MGAT4C: variants seen among roughly 807,000 people sequenced by gnomAD.
MGAT4C encodes the protein MGAT4 family member C.
Under a neutral mutation model 40.1 loss-of-function variants are expected in MGAT4C, and 19 were observed. The observed-to-expected ratio is 0.47, with a 90% CI of 0.33 to 0.70. The LOEUF (loss-of-function observed/expected upper bound fraction) is 0.70. Ranked by LOEUF, MGAT4C falls within the 30% of genes least tolerant of loss-of-function variation. The probability of loss-of-function intolerance (pLI) is 0.02; values close to 1 mark genes in which losing one functional copy is unlikely to be tolerated. For synonymous variants in MGAT4C, 181 were observed against 187.1 expected (o/e 0.97, Z 0.27); for missense variants, 491 against 563.2 (o/e 0.87, Z 1.30).
chr12:86,522,401 A>C (rs1403354599), intron 2 of MGAT4C, among the ~76,000 whole-genome samples: 2 of 152,176 alleles, frequency 1.3e-5, no homozygotes, highest in East Asian at 3.9e-4. Flanking sequence ...AATGAATCAC[A>C]TTTATTGATT....
chr12:86,814,056 G>T (rs1036429029), intron 1 of MGAT4C, among the ~76,000 whole-genome samples: 1 of 151,740 alleles, frequency 6.6e-6, no homozygotes. Context: ...GACTACAGGT[G>T]CACACTGCCA....
chr12:86,263,824 C>A (rs1952719172), intron 4 of MGAT4C, among the ~76,000 whole-genome samples: 1 of 152,114 alleles, frequency 6.6e-6, no homozygotes, highest in Admixed American at 6.5e-5. Context: ...TCTCTAAATT[C>A]TCACTAAAAT....
chr12:86,517,083 G>GC (rs1354897765), intron 2 of MGAT4C, among the ~76,000 whole-genome samples: 1 of 152,108 alleles, frequency 6.6e-6, no homozygotes, highest in Admixed American at 6.5e-5. Flanking sequence ...CTCATACATT[G>GC]CAAGCAGGAG....
chr12:86,454,761 T>C (rs1957484384), intron 2 of MGAT4C, among the ~76,000 whole-genome samples: 1 of 152,094 alleles, frequency 6.6e-6, no homozygotes, highest in Non-Finnish European at 1.5e-5. Flanking sequence ...GCGATAGCAG[T>C]TTGGTTTTCC....
rs941241001 is a variant in MGAT4C, at chr12:85,961,453, T to A, written c.*17836A>T. ...TAATATTGAGATTTTACAATTTAGG[T>A]TATAATCAAGATAATTATGTATATA... is the stretch of plus-strand genomic sequence containing the variant. On this transcript the variant is annotated 3_prime_UTR_variant, in exon 5 of 5. Transcript: ENST00000611864. 1 of 151,746 alleles carries A rather than the reference T, an allele frequency of 6.6e-6. No individual in the cohort carries two copies. Among genetic ancestry groups the A allele is most frequent in the African/African-American group, 2.4e-5 (1 of 41,398 alleles). 9.4% of individuals were successfully genotyped at this position (151,746 alleles called of 1,614,324 possible).
Position 86,204,974 on chromosome 12 carries a change from A to G in MGAT4C, c.-57+51265T>C, listed in dbSNP as rs150337319. ...GTAAGTTATATGTTAAGAATCACAT[A>G]CAATATAAAATAATTGAAAAAAATT... On this transcript the variant is annotated intron_variant, in intron 1 of 4. Transcript: ENST00000611864. Among the ~76,000 whole-genome samples, 453 of 152,180 alleles carry G rather than the reference A, an allele frequency of 3.0e-3. 2 individuals are homozygous for G. The highest frequency in any genetic ancestry group is 0.01 in the African/African-American group (432 of 41,574).
chr12:86,187,948 T>C (rs1593181812), intron 1 of MGAT4C, among the ~76,000 whole-genome samples: 1 of 152,166 alleles, frequency 6.6e-6, no homozygotes, highest in East Asian at 1.9e-4. Flanking sequence ...TTTTATCTGA[T>C]GGTTCCTAGA....
At chr12:86,185,866 G>A (rs188214534) in intron 1 of MGAT4C, among the ~76,000 whole-genome samples, 48 of 151,968 alleles carry the variant, frequency 3.2e-4, no homozygotes, top group East Asian at 1.4e-3. Flanking sequence ...GAAGAGAGTC[G>A]CTCAGGAAAA....
At chr12:86,589,418 A>G (rs1161418783) in intron 2 of MGAT4C, among the ~76,000 whole-genome samples, 4 of 152,108 alleles carry the variant, frequency 2.6e-5, no homozygotes, top group Non-Finnish European at 2.9e-5. Context: ...TCAATACCTT[A>G]CCAACCAAAA....
At chr12:86,730,325 A>C (rs992882735) in intron 1 of MGAT4C, among the ~76,000 whole-genome samples, 1 of 152,044 alleles carries the variant, frequency 6.6e-6, no homozygotes, top group African/African-American at 2.4e-5. Context: ...ACTGCACCTC[A>C]ATTTGTTTTA....
intron 1 of MGAT4C, among the ~76,000 whole-genome samples, chr12:86,199,214 T>G (rs61948992): frequency 0.083 from 12,656 of 152,146 alleles, 625 homozygotes; most frequent in Middle Eastern, 0.22. Context: ...GACAGAAGAA[T>G]AAGGATGCTC....
At chr12:86,308,034 T>C (rs1953983498) in intron 4 of MGAT4C, among the ~76,000 whole-genome samples, 1 of 150,600 alleles carries the variant, frequency 6.6e-6, no homozygotes, top group African/African-American at 2.5e-5. Context: ...ATTATTTTTG[T>C]ACAATTTTTA....
At chr12:86,136,514 G>A (rs950508739) in intron 1 of MGAT4C, among the ~76,000 whole-genome samples, 2 of 152,078 alleles carry the variant, frequency 1.3e-5, no homozygotes, top group Non-Finnish European at 2.9e-5. Context: ...GATTAGACAA[G>A]CAGTTACATC....
chr12:86,787,639 G>A (rs925096326), intron 1 of MGAT4C, among the ~76,000 whole-genome samples: 5 of 152,150 alleles, frequency 3.3e-5, no homozygotes, highest in Non-Finnish European at 7.4e-5. Context: ...TGGCAAGGAT[G>A]TGGAGAAAAG....
intron 2 of MGAT4C, among the ~76,000 whole-genome samples, chr12:86,664,972 C>T (rs1452952073): frequency 6.6e-6 from 1 of 152,104 alleles, no homozygotes; most frequent in Non-Finnish European, 1.5e-5. Context: ...CAGTATCCCT[C>T]ATTTTATGCT....
intron 2 of MGAT4C, among the ~76,000 whole-genome samples, chr12:86,509,315 G>A (rs920337376): frequency 1.3e-5 from 2 of 152,044 alleles, no homozygotes; most frequent in African/African-American, 4.8e-5. Context: ...TATTTAATAG[G>A]GAATCCTTTC....
intron 1 of MGAT4C, among the ~76,000 whole-genome samples, chr12:86,132,791 CAAAAAAAAAA>C (rs60321690): frequency 3.2e-5 from 3 of 93,730 alleles, no homozygotes; most frequent in East Asian, 3.1e-4. Context: ...GACTCCGTCT[CAAAAAAAAAA>C]AAAAAAAAAA....
chr12:86,611,216 T>C (rs1247072144), intron 2 of MGAT4C, among the ~76,000 whole-genome samples: 1 of 152,034 alleles, frequency 6.6e-6, no homozygotes. Flanking sequence ...TGGTGTTAAT[T>C]GAAACAAATT....
chr12:86,392,974 T>G (rs1414835315), intron 3 of MGAT4C, among the ~76,000 whole-genome samples: 5 of 152,100 alleles, frequency 3.3e-5, no homozygotes, highest in Admixed American at 3.3e-4. Context: ...TATAATAAAC[T>G]AAGAAAACAA....
Sources: allele counts gnomAD v4.1 joint callset (sites outside exome capture counted in the v4.1 genomes callset), GRCh38; gene constraint gnomAD v4.1.1; transcripts MANE v1.5; gene names NCBI Gene and HGNC (gene_info 2026-07-23, HGNC 2026-07-21).